TBCD: variants seen among roughly 807,000 people sequenced by gnomAD.
TBCD encodes tubulin-specific chaperone D.
Under a neutral mutation model 169.3 loss-of-function variants are expected in TBCD, and 105 were observed. That is an observed-to-expected ratio of 0.62 (90% CI 0.53 to 0.73). TBCD has a LOEUF of 0.73. Ranked by LOEUF, TBCD falls within the 30% of genes least tolerant of loss-of-function variation. The probability of loss-of-function intolerance (pLI) is 0.00; values close to 1 mark genes in which losing one functional copy is unlikely to be tolerated. For synonymous variants in TBCD, 700 were observed against 643.9 expected (o/e 1.09, Z -1.32); for missense variants, 1,444 against 1,600.1 (o/e 0.90, Z 1.66).
intron 14 of TBCD, among the ~76,000 whole-genome samples, chr17:82,872,947 GGCACC>G (rs2057702206): frequency 1.5e-5 from 2 of 132,218 alleles, no homozygotes; most frequent in African/African-American, 7.4e-5. Flanking sequence ...AGCCAGGCCC[GGCACC>G]TCGTGGCCGA....
chr17:82,904,859 A>C (rs1437782938), intron 19 of TBCD, among the ~76,000 whole-genome samples: 1 of 152,142 alleles, frequency 6.6e-6, no homozygotes, highest in Admixed American at 6.5e-5. Flanking sequence ...CCTTGCTGAC[A>C]CTGAGGGGGC....
chr17:82,912,247 G>A (rs2060696762), intron 23 of TBCD, among the ~76,000 whole-genome samples: 1 of 152,204 alleles, frequency 6.6e-6, no homozygotes, highest in Admixed American at 6.5e-5. Flanking sequence ...CAAGAGGAAA[G>A]CTGAGCAGAG....
chr17:82,923,813 G>T lies in TBCD; in HGVS notation c.2260+80G>T. The T allele has an allele frequency of 6.4e-6, 8 of 1,241,012 alleles. No homozygotes were observed. Among genetic ancestry groups the T allele is most frequent in the Admixed American group, 2.4e-5 (1 of 41,772 alleles). The allele number at this position is 1,241,012 out of a possible 1,614,324, so 76.9% of individuals were successfully genotyped here. On this transcript the variant is annotated intron_variant, in intron 26 of 38. Coordinates refer to ENST00000355528, the MANE Select transcript of TBCD (RefSeq NM_005993.5). The surrounding 1 kb of genome is among the most constrained non-coding windows in gnomAD (Gnocchi z 4.6). ...TGGGGAGTGTCTGGGCACGGAGGAG[G>T]CCTCGGTTGTGCAGTGGAGCAGAGC...
rs770019439 is a variant in TBCD at position 82,772,440 on chromosome 17, C to T, written c.583-12C>T. ...AGGAGTGACCGTGTCTGTGCTTCAC[C>T]CTTTCTTGCAGTCCTACTTGATTGT... is the stretch of plus-strand genomic sequence containing the variant. On this transcript the variant is annotated splice_polypyrimidine_tract_variant and intron_variant, in intron 5 of 38. Coordinates refer to ENST00000355528, the MANE Select transcript of TBCD (RefSeq NM_005993.5). 20 of 1,613,760 alleles carry T rather than the reference C, an allele frequency of 1.2e-5. No homozygotes were observed. In the African/African-American group the frequency reaches 2.4e-4, roughly 19 times the overall value.
Position 82,930,665 on chromosome 17 carries a change from C to A in TBCD, c.3113+22C>A. On this transcript the variant is annotated intron_variant, in intron 33 of 38. Coordinates refer to ENST00000355528, the MANE Select transcript of TBCD (RefSeq NM_005993.5). The surrounding 1 kb of genome is among the most constrained non-coding windows in gnomAD (Gnocchi z 5.2). Reference sequence around the variant, plus strand: ...AGAGGTGAGTGGTGTCTCTTGGGGCCTCAGAGGCGTGAGTGGTGCTGGTGC... The same window carrying A: ...AGAGGTGAGTGGTGTCTCTTGGGGCATCAGAGGCGTGAGTGGTGCTGGTGC... 1 of 1,613,786 alleles carries A rather than the reference C, an allele frequency of 6.2e-7. No homozygotes were observed.
intron 13 of TBCD, among the ~76,000 whole-genome samples, chr17:82,825,516 C>T (rs567859630): frequency 7.9e-5 from 12 of 152,140 alleles, no homozygotes; most frequent in Admixed American, 1.3e-4. Flanking sequence ...TGCGTCTGAC[C>T]GTGTGCCTTT....
intron 30 of TBCD, 115 bp from the exon 31 acceptor site, chr17:82,928,998 G>T (rs1056873685): frequency 7.4e-7 from 1 of 1,344,394 alleles, no homozygotes; most frequent in Non-Finnish European, 1.0e-6. Context: ...CGAGGAGCCC[G>T]CATGTCCTCG....
At chr17:82,940,245 A>ACACACACACACACACACACT (rs2063056109) in intron 37 of TBCD, among the ~76,000 whole-genome samples, 1 of 150,994 alleles carries the variant, frequency 6.6e-6, no homozygotes, top group East Asian at 1.9e-4. Context: ...ACACACACAC[A>ACACACACACACACACACACT]CTTCTAAAAG....
intron 13 of TBCD, among the ~76,000 whole-genome samples, chr17:82,851,416 G>A (rs1179942139): frequency 6.6e-6 from 1 of 152,214 alleles, no homozygotes; most frequent in Non-Finnish European, 1.5e-5. Context: ...GCCTGTTTCT[G>A]TACAGCTTTG....
chr17:82,879,376 C>T (rs549635956), intron 14 of TBCD, among the ~76,000 whole-genome samples: 5 of 152,268 alleles, frequency 3.3e-5, no homozygotes, highest in Admixed American at 1.3e-4. Flanking sequence ...CTGTGTAGCA[C>T]GCTCTGCTGC....
intron 7 of TBCD, chr17:82,795,725 G>C: frequency 1.9e-6 from 1 of 533,564 alleles, no homozygotes; most frequent in Non-Finnish European, 2.4e-6. Flanking sequence ...GTGGGGTGCA[G>C]GGGGCCGTTT....
chr17:82,843,256 C>CA (rs1438262205), intron 13 of TBCD, among the ~76,000 whole-genome samples: 1 of 151,972 alleles, frequency 6.6e-6, no homozygotes, highest in African/African-American at 2.4e-5. Flanking sequence ...CTCCAGTTAA[C>CA]ACAGCTGTCT....
At chr17:82,778,228 A>G (rs2048723342) in intron 6 of TBCD, among the ~76,000 whole-genome samples, 1 of 152,256 alleles carries the variant, frequency 6.6e-6, no homozygotes, top group African/African-American at 2.4e-5. Context: ...TTATATTGGA[A>G]CAGCTCGTGT....
At chr17:82,768,025 G>A (rs939337833) in intron 4 of TBCD, among the ~76,000 whole-genome samples, 1 of 151,752 alleles carries the variant, frequency 6.6e-6, no homozygotes, top group Non-Finnish European at 1.5e-5. Context: ...TGGGATTACA[G>A]GTGTGAACCA....
intron 1 of TBCD, among the ~76,000 whole-genome samples, chr17:82,755,117 G>T (rs1723552157): frequency 1.3e-5 from 2 of 152,198 alleles, no homozygotes; most frequent in Admixed American, 1.3e-4. Flanking sequence ...GTGGGAGGGC[G>T]TCCAGGGCAT....
intron 33 of TBCD, chr17:82,932,238 C>T (rs757204248): frequency 1.2e-4 from 35 of 296,156 alleles, no homozygotes; most frequent in Non-Finnish European, 1.6e-4. Context: ...ACCTGGGACG[C>T]GTCTTGAGTG....
At chr17:82,836,030 C>G (rs764169718) in intron 13 of TBCD, among the ~76,000 whole-genome samples, 1 of 152,226 alleles carries the variant, frequency 6.6e-6, no homozygotes, top group African/African-American at 2.4e-5. Flanking sequence ...TACAAGGCAC[C>G]GGGTCAAGGC....
chr17:82,764,042 T>C lies in TBCD; in HGVS notation c.313T>C (p.Phe105Leu), dbSNP rs1447095988. ...PASLVHLAFKFLYIITKVRGY... is the reference protein window; with the variant it reads ...PASLVHLAFKLLYIITKVRGY... The stretch of plus-strand genomic sequence containing the variant: ...TTCCCTTGTACATCTGGCTTTTAAA[T>C]TTCTTTACATCATCACCAAGGTAAC... Residue 105 changes from phenylalanine to leucine, a missense_variant, in exon 3 of 39, where the codon TTT (phenylalanine) becomes CTT (leucine). Phe to Leu is a conservative substitution (Grantham distance 22, BLOSUM62 0). Coordinates refer to ENST00000355528, the MANE Select transcript of TBCD (RefSeq NM_005993.5). The C allele has an allele frequency of 1.2e-6, 2 of 1,613,712 alleles. No individual in the cohort carries two copies. Among genetic ancestry groups the C allele is most frequent in the East Asian group, 4.5e-5 (2 of 44,872 alleles).
rs11077950 is a variant in TBCD, at chr17:82,943,874, C to G, written c.*1411C>G. ...GAACTGTCCCGATTGGCTGGGGTCA[C>G]GTGGTGAGGGTCCTGGGTGACCAGG... On this transcript the variant is annotated 3_prime_UTR_variant, in exon 39 of 39. Coordinates refer to ENST00000355528, the MANE Select transcript of TBCD (RefSeq NM_005993.5). 2.0e-5 allele frequency: 3 copies of G among 152,188 alleles called. No individual in the cohort carries two copies. In the East Asian group the frequency reaches 5.8e-4, roughly 29 times the overall value. 9.4% of individuals were successfully genotyped at this position (152,188 alleles called of 1,614,324 possible).
Sources: allele counts gnomAD v4.1 joint callset (sites outside exome capture counted in the v4.1 genomes callset), GRCh38; gene constraint gnomAD v4.1.1; non-coding constraint Gnocchi (gnomAD v3.1); transcripts MANE v1.5; gene names NCBI Gene and HGNC (gene_info 2026-07-23, HGNC 2026-07-21).